TEX2: variants seen among roughly 807,000 people sequenced by gnomAD.
The protein encoded by TEX2 is testis-expressed protein 2.
In TEX2, 53 loss-of-function variants were observed where a neutral mutation model predicts 106.9. That is an observed-to-expected ratio of 0.50 (90% confidence interval 0.40 to 0.62). TEX2 has a LOEUF of 0.62. TEX2 is among the 20% of genes least tolerant of loss of function. TEX2 has a pLI of 0.00. For synonymous variants in TEX2, 523 were observed against 534.8 expected (o/e 0.98, Z 0.30); for missense variants, 1,207 against 1,379.0 (o/e 0.88, Z 1.98).
chr17:64,227,474 T>C (rs374521885), intron 1 of TEX2, among the ~76,000 whole-genome samples: 7 of 152,214 alleles, frequency 4.6e-5, no homozygotes, highest in African/African-American at 1.7e-4. Flanking sequence ...CCAAATACTT[T>C]TGTGATCTGG....
intron 1 of TEX2, among the ~76,000 whole-genome samples, chr17:64,241,686 T>G (rs1427100513): frequency 6.6e-6 from 1 of 152,096 alleles, no homozygotes; most frequent in Non-Finnish European, 1.5e-5. Context: ...CAGGCTGGAG[T>G]GCACTCGTGC....
chr17:64,211,889 G>C (rs868908967), intron 2 of TEX2, among the ~76,000 whole-genome samples: 1 of 152,242 alleles, frequency 6.6e-6, no homozygotes, highest in East Asian at 1.9e-4. Context: ...GCTCACACCT[G>C]TAATCCCAGC....
intron 1 of TEX2, among the ~76,000 whole-genome samples, chr17:64,215,583 T>C (rs1043001138): frequency 2.0e-5 from 3 of 152,082 alleles, no homozygotes; most frequent in African/African-American, 2.4e-5. Context: ...TTCTAGTACT[T>C]GTCTTTCTAC....
chr17:64,262,946 C>T (rs2034323091), intron 1 of TEX2, among the ~76,000 whole-genome samples: 1 of 152,118 alleles, frequency 6.6e-6, no homozygotes, highest in Admixed American at 6.5e-5. Flanking sequence ...CCGAGCCATC[C>T]GGCGGGGCCC....
At chr17:64,188,746 G>A (rs2032185529) in intron 4 of TEX2, among the ~76,000 whole-genome samples, 1 of 151,406 alleles carries the variant, frequency 6.6e-6, no homozygotes, top group Non-Finnish European at 1.5e-5. Context: ...AACCCAGGAG[G>A]TGGAGCTTGC....
intron 4 of TEX2, among the ~76,000 whole-genome samples, chr17:64,191,072 T>C (rs2032279349): frequency 6.6e-6 from 1 of 152,198 alleles, no homozygotes; most frequent in Non-Finnish European, 1.5e-5. Flanking sequence ...TTGCTACTAG[T>C]TTAATCACAC....
intron 8 of TEX2, among the ~76,000 whole-genome samples, chr17:64,160,198 G>A (rs1271508320): frequency 6.6e-6 from 1 of 152,020 alleles, no homozygotes; most frequent in East Asian, 1.9e-4. Flanking sequence ...CATTTAAGAG[G>A]GAAAAAAATT....
intron 5 of TEX2, among the ~76,000 whole-genome samples, chr17:64,184,915 T>C (rs761632719): frequency 9.2e-5 from 14 of 152,246 alleles, no homozygotes; most frequent in Non-Finnish European, 1.8e-4. Flanking sequence ...ATTGGATATA[T>C]AGCTTCATTT....
chr17:64,160,646 G>C (rs545335263), intron 8 of TEX2, among the ~76,000 whole-genome samples, 155 bp downstream of exon 8: 5 of 152,244 alleles, frequency 3.3e-5, no homozygotes, highest in South Asian at 2.1e-4. Context: ...ATGAGACTAG[G>C]AAACCATTCC....
chr17:64,224,175 G>T (rs1230064315), intron 1 of TEX2, among the ~76,000 whole-genome samples: 1 of 152,214 alleles, frequency 6.6e-6, no homozygotes, highest in Non-Finnish European at 1.5e-5. Context: ...CAGAGGAAAA[G>T]AAGGCAAGCT....
intron 11 of TEX2, 200 bp downstream of exon 11, chr17:64,150,641 G>T: frequency 2.3e-6 from 1 of 437,476 alleles, no homozygotes; most frequent in Admixed American, 4.4e-5. Flanking sequence ...ACTTAGTAAT[G>T]TTCTGTGGAT....
At chr17:64,181,768 G>A (rs1010454173) in intron 5 of TEX2, among the ~76,000 whole-genome samples, 2 of 150,680 alleles carry the variant, frequency 1.3e-5, no homozygotes, top group African/African-American at 4.9e-5. Context: ...TGCCTGCCTC[G>A]GCCTCCCAAA....
In TEX2 at chr17:64,193,804, T is replaced by A; in HGVS notation, c.1931A>T (p.Asp644Val). 1.9e-6 allele frequency: 3 copies of A among 1,608,902 alleles called. No homozygotes were observed. The highest frequency in any genetic ancestry group is 2.5e-6 in the Non-Finnish European group (3 of 1,176,784). The change falls in exon 4 of 12, where the codon GAC (aspartate) becomes GTC (valine). Residue 644 changes from aspartate (D) to valine (V), a missense_variant. By Grantham distance (152) the Asp-to-Val change is radical. This residue lies in a region of TEX2 where 1,067 missense variants were observed against 1,193.6 expected (regional missense o/e 0.89). Coordinates refer to ENST00000584379, the MANE Select transcript of TEX2 (RefSeq NM_001288732.2). ...ATCAGTCTGAGCTTTAGACATAAAG[T>A]CATCTTGCTGACCAAGCTCGATACA... ...PICIELGQQDDFMSKAQTDKE... is the reference protein window; with the variant it reads ...PICIELGQQDVFMSKAQTDKE...
At chr17:64,196,982 ATTTTTTTTTTTT>A (rs59960456) in intron 2 of TEX2, among the ~76,000 whole-genome samples, 2 of 63,568 alleles carry the variant, frequency 3.1e-5, no homozygotes, top group African/African-American at 1.1e-4. Context: ...TCAAATCAAG[ATTTTTTTTTTTT>A]TTTTTTTTTT....
chr17:64,218,236 ACT>A (rs1269006778), intron 1 of TEX2, among the ~76,000 whole-genome samples: 2 of 151,562 alleles, frequency 1.3e-5, no homozygotes, highest in Non-Finnish European at 2.9e-5. Context: ...ACAAAGTGAG[ACT>A]CTGACTCCAG....
intron 1 of TEX2, among the ~76,000 whole-genome samples, chr17:64,231,301 C>T (rs868965521): frequency 2.9e-4 from 44 of 152,270 alleles, no homozygotes; most frequent in African/African-American, 1.0e-3. Context: ...AAACATCACC[C>T]AAGCACCACT....
Position 64,217,147 on chromosome 17 carries a change from C to T in TEX2, c.-25-2905G>A, listed in dbSNP as rs1438927351. On this transcript the variant is annotated intron_variant, in intron 1 of 11. Coordinates refer to ENST00000584379, the MANE Select transcript of TEX2 (RefSeq NM_001288732.2). This position sits in a 1 kb window ranked among gnomAD's most constrained non-coding sequence, Gnocchi z 4.3. ...ATAAACAAAGGCTGCTTCCAGGCCC[C>T]AAACTGCTGGGTAATTGAGTGTGCT... is the stretch of plus-strand genomic sequence containing the variant. 2.0e-5 allele frequency among the ~76,000 whole-genome samples: 3 copies of T among 152,190 alleles called. No individual in the cohort carries two copies. Among genetic ancestry groups the T allele is most frequent in the Non-Finnish European group, 4.4e-5 (3 of 68,024 alleles).
intron 1 of TEX2, among the ~76,000 whole-genome samples, chr17:64,258,380 T>G (rs1555638055): frequency 6.6e-6 from 1 of 152,216 alleles, no homozygotes. Flanking sequence ...GCCAGTATTC[T>G]AGGCCCAGCT....
At chr17:64,224,573 C>T (rs2033452684) in intron 1 of TEX2, among the ~76,000 whole-genome samples, 1 of 146,542 alleles carries the variant, frequency 6.8e-6, no homozygotes, top group South Asian at 2.2e-4. Context: ...TGGCAAGAAA[C>T]TTGGAAATCC....
Sources: allele counts gnomAD v4.1 joint callset (sites outside exome capture counted in the v4.1 genomes callset), GRCh38; gene constraint gnomAD v4.1.1; regional missense constraint gnomAD v4.1.1; non-coding constraint Gnocchi (gnomAD v3.1); transcripts MANE v1.5; gene names NCBI Gene and HGNC (gene_info 2026-07-23, HGNC 2026-07-21).